FABP3: variants seen among roughly 807,000 people sequenced by gnomAD.
FABP3 encodes the protein fatty acid-binding protein, heart.
FABP3 carries 8 observed loss-of-function variants against 13.4 expected under a neutral mutation model. The observed-to-expected ratio is 0.60, with a 90% CI of 0.35 to 1.07. The LOEUF is 1.07. Among genes scored for constraint, FABP3 ranks in the 50% least tolerant of loss-of-function variants. The pLI is 0.02. For synonymous variants in FABP3, 64 were observed against 60.0 expected (o/e 1.07, Z -0.31); for missense variants, 135 against 164.7 (o/e 0.82, Z 0.99).
At chr1:31,372,258 G>A (rs1640221472) in intron 1 of FABP3, among the ~76,000 whole-genome samples, 1 of 152,142 alleles carries the variant, frequency 6.6e-6, no homozygotes, top group Admixed American at 6.5e-5. Flanking sequence ...TGGGTTGCAG[G>A]AAAGGCCCAG....
At chr1:31,364,473 T>C (rs11436), downstream of FABP3, 250,479 of 453,152 alleles carry the variant, frequency 0.55, 73,108 homozygotes, top group Non-Finnish European at 0.62. Context: ...CAGCAGGAGG[T>C]CCTATTACCC....
chr1:31,363,914 C>T (rs1485447836), downstream of FABP3: 35 of 1,429,644 alleles, frequency 2.4e-5, no homozygotes, highest in Non-Finnish European at 2.9e-5. Context: ...CCTCCCACCT[C>T]GGCTTCCCAA....
Position 31,365,685 on chromosome 1 carries a change from A to G in FABP3, c.*201T>C, listed in dbSNP as rs1640091331. 7.6e-6 allele frequency: 4 copies of G among 529,420 alleles called. No individual in the cohort carries two copies. The highest frequency in any genetic ancestry group is 1.4e-5 in the Non-Finnish European group (4 of 295,976). The allele number at this position is 529,420 out of a possible 1,614,324, so 32.8% of individuals were successfully genotyped here. A position where few individuals can be genotyped will look rare whatever the true frequency, so the allele number is the denominator to read the frequency against. The stretch of plus-strand genomic sequence containing the variant: ...CTTGGCTCTGCTTTATTGACCTCAG[A>G]GCACCCTATGAGTGCAGTTAAAAAA... On this transcript the variant is annotated 3_prime_UTR_variant, in exon 4 of 4. Transcript: ENST00000373713.
At chr1:31,369,353 C>T in intron 2 of FABP3, 32 bp downstream of exon 2, 2 of 1,609,050 alleles carry the variant, frequency 1.2e-6, no homozygotes, top group South Asian at 1.1e-5. Flanking sequence ...TCTCAGCACT[C>T]TCCATTCCCC....
intron 1 of FABP3, 35 bp downstream of exon 1, chr1:31,372,907 C>G (rs750229350): frequency 6.2e-7 from 1 of 1,605,050 alleles, no homozygotes; most frequent in South Asian, 1.1e-5. Context: ...CAGCCAGTCC[C>G]CAAGCCAACA....
chr1:31,365,870 C>T lies in FABP3; in HGVS notation c.*16G>A, dbSNP rs1640098434. ...AGCCGATTGGCAGAGTAGTAGTCAG[C>T]AACAGTGCAGTCAGGTCATGCCTCT... On this transcript the variant is annotated 3_prime_UTR_variant, in exon 4 of 4. Transcript: ENST00000373713. 1 of 1,613,148 alleles carries T rather than the reference C, an allele frequency of 6.2e-7. No individual in the cohort carries two copies. The highest frequency in any genetic ancestry group is 1.7e-5 in the Admixed American group (1 of 59,974).
In FABP3 at chr1:31,367,510, A is replaced by C; in HGVS notation, c.247-16T>G. The stretch of plus-strand genomic sequence containing the variant: ...TCACAATGGACTGTGGAAAGAGGGT[A>C]GAGGCCTGAGCTGTGATCTTAGTCA... On this transcript the variant is annotated splice_polypyrimidine_tract_variant and intron_variant, in intron 2 of 3. Coordinates refer to ENST00000373713, the MANE Select transcript of FABP3 (RefSeq NM_004102.5). The C allele has an allele frequency of 6.2e-7, 1 of 1,604,128 alleles. No individual in the cohort carries two copies. Among genetic ancestry groups the C allele is most frequent in the Non-Finnish European group, 8.5e-7 (1 of 1,170,806 alleles).
At chr1:31,368,132 C>T (rs1294658884) in intron 2 of FABP3, among the ~76,000 whole-genome samples, 1 of 152,152 alleles carries the variant, frequency 6.6e-6, no homozygotes, top group Admixed American at 6.5e-5. Context: ...ATACATACAT[C>T]AGCTGGTTCT....
At chr1:31,362,712 CAGG>C (rs1294586358), downstream of FABP3, among the ~76,000 whole-genome samples, 2 of 152,170 alleles carry the variant, frequency 1.3e-5, no homozygotes, top group African/African-American at 4.8e-5. Flanking sequence ...GAATAGCAGT[CAGG>C]AGTTCTAAAT....
chr1:31,372,225 C>T (rs1403690245), intron 1 of FABP3, among the ~76,000 whole-genome samples: 1 of 152,142 alleles, frequency 6.6e-6, no homozygotes, highest in Non-Finnish European at 1.5e-5. Flanking sequence ...CTCTGCCTAC[C>T]CCTCGCACAG....
At position 31,369,456 on chromosome 1, in the gene FABP3, T is replaced by G; in HGVS notation, c.175A>C (p.Lys59Gln). 3.1e-6 allele frequency: 5 copies of G among 1,614,180 alleles called. No homozygotes were observed. Among genetic ancestry groups the G allele is most frequent in the Non-Finnish European group, 4.2e-6 (5 of 1,180,036 alleles). Residue 59 changes from lysine to glutamine, a missense_variant, in exon 2 of 4, where the codon AAG (lysine) becomes CAG (glutamine). Coordinates refer to ENST00000373713, the MANE Select transcript of FABP3 (RefSeq NM_004102.5). ...ILTLKTHSTF[K>Q]NTEISFKLGV... ...AACTTAAAGCTGATCTCTGTGTTCT[T>G]GAAGGTGCTGTGTGTTTTTAGGGTG...
Position 31,365,659 on chromosome 1 carries a change from C to A in FABP3, c.*227G>T, listed in dbSNP as rs1272480342. Reference sequence around the variant, plus strand: ...CAAAGGCAAAAAGGCAACTGGGTGGCCTTGGCTCTGCTTTATTGACCTCAG... The same window carrying A: ...CAAAGGCAAAAAGGCAACTGGGTGGACTTGGCTCTGCTTTATTGACCTCAG... On this transcript the variant is annotated 3_prime_UTR_variant, in exon 4 of 4. Transcript: ENST00000373713. The A allele has an allele frequency of 8.4e-6, 4 of 478,834 alleles. No individual in the cohort carries two copies. The highest frequency in any genetic ancestry group is 2.0e-5 in the African/African-American group (1 of 50,300). 29.7% of individuals were successfully genotyped at this position (478,834 alleles called of 1,614,324 possible).
chr1:31,371,977 T>C (rs907396569), intron 1 of FABP3, among the ~76,000 whole-genome samples: 1 of 152,174 alleles, frequency 6.6e-6, no homozygotes, highest in Non-Finnish European at 1.5e-5. Context: ...GATTTTCATA[T>C]TGGCTCTGCT....
intron 1 of FABP3, among the ~76,000 whole-genome samples, chr1:31,371,876 A>G (rs572643804): frequency 2.0e-5 from 3 of 152,346 alleles, no homozygotes; most frequent in South Asian, 2.1e-4. Flanking sequence ...GCTGAGGTCA[A>G]TCATTAGCTA....
At chr1:31,371,058 A>G (rs78443942) in intron 1 of FABP3, among the ~76,000 whole-genome samples, 67 of 152,266 alleles carry the variant, frequency 4.4e-4, no homozygotes, top group African/African-American at 1.3e-3. Flanking sequence ...ACTGTTGACT[A>G]TTTTCACTGG....
At chr1:31,360,874 CTAT>C (rs1441094025), downstream of FABP3, among the ~76,000 whole-genome samples, 1 of 152,146 alleles carries the variant, frequency 6.6e-6, no homozygotes, top group Non-Finnish European at 1.5e-5. Flanking sequence ...ACTCTACAGA[CTAT>C]TATTGTAAGA....
At chr1:31,364,399 A>C, downstream of FABP3, 1 of 832,072 alleles carries the variant, frequency 1.2e-6, no homozygotes, top group Non-Finnish European at 1.8e-6. Flanking sequence ...TTTCCTTATC[A>C]CTCCTGGTCC....
At position 31,369,566 on chromosome 1, in the gene FABP3, A is replaced by T; in HGVS notation, c.74-9T>A. ...GGTAGCAAAACCCACACCTGAGGGT[A>T]GGGGGAAGGTTATGAGTATATGAGC... On this transcript the variant is annotated splice_polypyrimidine_tract_variant and intron_variant, in intron 1 of 3. Transcript: ENST00000373713. 6.2e-7 allele frequency: 1 copy of T among 1,613,842 alleles called. No individual in the cohort carries two copies. The highest frequency in any genetic ancestry group is 8.5e-7 in the Non-Finnish European group (1 of 1,179,796).
rs1557472199 is a variant in FABP3 at position 31,373,058 on chromosome 1, G to A, written c.-44C>T. 6.3e-7 allele frequency: 1 copy of A among 1,592,104 alleles called. No homozygotes were observed. Among genetic ancestry groups the A allele is most frequent in the Non-Finnish European group, 8.6e-7 (1 of 1,160,796 alleles). On this transcript the variant is annotated 5_prime_UTR_variant, in exon 1 of 4. In the 5' UTR this introduces an upstream ATG that the reference lacks. Coordinates refer to ENST00000373713, the MANE Select transcript of FABP3 (RefSeq NM_004102.5). ...TGAGAGAAGCTACAAGAGAGCAGGC[G>A]TGCAAGGGCTCCGACGGCGGCTCCC...
Sources: gnomAD v4.1 joint callset for allele counts (sites outside exome capture counted in the v4.1 genomes callset) on GRCh38, gnomAD v4.1.1 for gene constraint, MANE v1.5 for transcripts, NCBI Gene and HGNC (gene_info 2026-07-23, HGNC 2026-07-21) for gene names.